MALRD1: variants seen among roughly 807,000 people sequenced by gnomAD.
MALRD1 encodes the protein MAM and LDL-receptor class A domain-containing protein 1.
Under a neutral mutation model 242.1 loss-of-function variants are expected in MALRD1, and 247 were observed. The observed-to-expected ratio is 1.02, with a 90% CI of 0.92 to 1.13. MALRD1 has a LOEUF of 1.13. Among genes scored for constraint, MALRD1 ranks in the 50% most tolerant of loss-of-function variants. The pLI is 0.00. For synonymous variants in MALRD1, 995 were observed against 866.6 expected (o/e 1.15, Z -2.60); for missense variants, 2,989 against 2,533.1 (o/e 1.18, Z -3.86).
intron 2 of MALRD1, among the ~76,000 whole-genome samples, chr10:19,073,795 T>C (rs1835232282): frequency 6.6e-6 from 1 of 152,128 alleles, no homozygotes; most frequent in Admixed American, 6.6e-5. Context: ...TTGTGATCTC[T>C]TTGAGACACA....
intron 5 of MALRD1, among the ~76,000 whole-genome samples, chr10:19,119,025 G>A (rs1379990926): frequency 6.6e-6 from 1 of 152,148 alleles, no homozygotes; most frequent in Non-Finnish European, 1.5e-5. Context: ...GGAAAGAGAT[G>A]ATGTTTCCTG....
intron 32 of MALRD1, among the ~76,000 whole-genome samples, chr10:19,545,385 A>T (rs1835166296): frequency 6.6e-6 from 1 of 152,208 alleles, no homozygotes; most frequent in African/African-American, 2.4e-5. Flanking sequence ...GATAAGTGCA[A>T]AATGCTAACC....
intron 5 of MALRD1, among the ~76,000 whole-genome samples, chr10:19,118,796 A>AT (rs1189508037): frequency 6.6e-6 from 1 of 152,088 alleles, no homozygotes; most frequent in Non-Finnish European, 1.5e-5. Context: ...TTAGGATTTA[A>AT]TTTTTTTATT....
intron 18 of MALRD1, among the ~76,000 whole-genome samples, chr10:19,213,840 T>A (rs922863559): frequency 6.6e-6 from 1 of 152,182 alleles, no homozygotes; most frequent in Non-Finnish European, 1.5e-5. Context: ...GTTTGACTCT[T>A]TTTGGTCTTG....
intron 28 of MALRD1, among the ~76,000 whole-genome samples, chr10:19,423,087 C>T (rs553796750): frequency 6.6e-6 from 1 of 152,052 alleles, no homozygotes; most frequent in Non-Finnish European, 1.5e-5. Context: ...TGATATTAAC[C>T]AAAAAATGTG....
At chr10:19,685,411 A>G (rs2131805233) in intron 36 of MALRD1, among the ~76,000 whole-genome samples, 1 of 152,344 alleles carries the variant, frequency 6.6e-6, no homozygotes, top group South Asian at 2.1e-4. Context: ...TATTTTATGA[A>G]CACAGGATTA....
At chr10:19,388,457 A>G (rs935314687) in intron 27 of MALRD1, among the ~76,000 whole-genome samples, 5 of 152,340 alleles carry the variant, frequency 3.3e-5, no homozygotes, top group East Asian at 1.9e-4. Flanking sequence ...CTTGTAATCA[A>G]TAACCCTGAA....
rs536039009 is a variant in MALRD1, at chr10:19,239,152, T to C, written c.2992-18532T>C. Among the ~76,000 whole-genome samples the C allele has an allele frequency of 3.3e-5, 5 of 151,790 alleles. 1 individual carries two copies. The South Asian group carries it at 1.0e-3, about 32-fold the overall frequency. The stretch of plus-strand genomic sequence containing the variant: ...GGGCTCACGGCAACCTCCATCTCCC[T>C]GGTTCAAGCAATTCCCCTGCCTCAG... On this transcript the variant is annotated intron_variant, in intron 18 of 39. Transcript: ENST00000454679.
chr10:19,666,040 C>A (rs1376298469), intron 36 of MALRD1, among the ~76,000 whole-genome samples: 2 of 152,108 alleles, frequency 1.3e-5, no homozygotes, highest in African/African-American at 2.4e-5. Context: ...TCCTCTTCAT[C>A]CCTCCTTGCT....
At chr10:19,265,955 T>G (rs1839957558) in intron 19 of MALRD1, among the ~76,000 whole-genome samples, 1 of 151,904 alleles carries the variant, frequency 6.6e-6, no homozygotes, top group Admixed American at 6.6e-5. Context: ...TTGCTATATA[T>G]TTATATAATG....
intron 36 of MALRD1, among the ~76,000 whole-genome samples, chr10:19,661,691 G>A (rs890139211): frequency 1.3e-5 from 2 of 152,060 alleles, no homozygotes; most frequent in African/African-American, 2.4e-5. Flanking sequence ...GTTAAATGAC[G>A]AGTTAATGGG....
intron 11 of MALRD1, 84 bp from the exon 12 acceptor site, chr10:19,154,991 G>A: frequency 1.5e-6 from 1 of 688,114 alleles, no homozygotes; most frequent in South Asian, 7.4e-5. Context: ...AGTTTAGCAT[G>A]TGCAAGGATA....
At chr10:19,416,362 G>T (rs187624676) in intron 28 of MALRD1, among the ~76,000 whole-genome samples, 1 of 152,152 alleles carries the variant, frequency 6.6e-6, no homozygotes, top group African/African-American at 2.4e-5. Flanking sequence ...AGGGACTACC[G>T]AAGAGCACCA....
chr10:19,648,047 A>G (rs1254393580), intron 36 of MALRD1, among the ~76,000 whole-genome samples: 2 of 152,184 alleles, frequency 1.3e-5, no homozygotes, highest in Non-Finnish European at 2.9e-5. Flanking sequence ...TTTGCAAAGC[A>G]GGACTCAGGG....
At chr10:19,528,762 C>A (rs1192816764) in intron 31 of MALRD1, among the ~76,000 whole-genome samples, 3 of 152,116 alleles carry the variant, frequency 2.0e-5, no homozygotes, top group African/African-American at 7.2e-5. Context: ...TGGAAGGCAT[C>A]ATTCCTATCA....
chr10:19,402,743 G>A (rs979086966), intron 28 of MALRD1, among the ~76,000 whole-genome samples: 2 of 151,982 alleles, frequency 1.3e-5, no homozygotes, highest in Admixed American at 6.6e-5. Context: ...TCTTATTTGT[G>A]CCTTTTTCTT....
intron 21 of MALRD1, among the ~76,000 whole-genome samples, chr10:19,291,645 T>TG (rs1453863874): frequency 6.6e-6 from 1 of 152,070 alleles, no homozygotes; most frequent in Non-Finnish European, 1.5e-5. Context: ...AGGCAAGAAG[T>TG]GGGGAAGATA....
intron 28 of MALRD1, among the ~76,000 whole-genome samples, chr10:19,420,806 T>C (rs536956670): frequency 1.6e-4 from 24 of 152,274 alleles, no homozygotes; most frequent in South Asian, 1.2e-3. Flanking sequence ...GGTAGCAACG[T>C]CATCAGAGGC....
chr10:19,501,386 A>G (rs960817757), intron 31 of MALRD1, among the ~76,000 whole-genome samples: 9 of 152,162 alleles, frequency 5.9e-5, no homozygotes, highest in Non-Finnish European at 1.2e-4. Flanking sequence ...CCTGTTGAGA[A>G]CCCAGAGAAA....
Sources: allele counts gnomAD v4.1 joint callset (sites outside exome capture counted in the v4.1 genomes callset), GRCh38; gene constraint gnomAD v4.1.1; transcripts MANE v1.5; gene names NCBI Gene and HGNC (gene_info 2026-07-23, HGNC 2026-07-21).